DENND1A: variants seen among roughly 807,000 people sequenced by gnomAD.
The protein encoded by DENND1A is DENN domain-containing protein 1A.
Under a neutral mutation model 113.7 loss-of-function variants are expected in DENND1A, and 51 were observed. The ratio of observed to expected loss-of-function variants is 0.45; its 90% CI spans 0.36 to 0.57. DENND1A has a LOEUF of 0.57. DENND1A is among the 20% of genes least tolerant of loss of function. The probability of loss-of-function intolerance (pLI) is 0.00; values close to 1 mark genes in which losing one functional copy is unlikely to be tolerated. For synonymous variants in DENND1A, 565 were observed against 570.8 expected (o/e 0.99, Z 0.14); for missense variants, 1,258 against 1,395.9 (o/e 0.90, Z 1.57).
chr9:123,540,864 C>T (rs1417485106), intron 13 of DENND1A, among the ~76,000 whole-genome samples: 1 of 152,142 alleles, frequency 6.6e-6, no homozygotes, highest in East Asian at 1.9e-4. Context: ...TGCTGGAAAC[C>T]ATCACCAAAG....
At chr9:123,674,179 T>C (rs940439474) in intron 6 of DENND1A, among the ~76,000 whole-genome samples, 1 of 152,152 alleles carries the variant, frequency 6.6e-6, no homozygotes, top group East Asian at 1.9e-4. Context: ...CTGGCTCAGA[T>C]GCCTGCCTTG....
intron 8 of DENND1A, among the ~76,000 whole-genome samples, chr9:123,666,546 T>C (rs2063500643): frequency 2.6e-5 from 4 of 152,094 alleles, no homozygotes; most frequent in Admixed American, 2.0e-4. Context: ...TAAACCTCTA[T>C]TTGGAAAATT....
intron 1 of DENND1A, among the ~76,000 whole-genome samples, chr9:123,896,569 C>T (rs190106476): frequency 6.6e-6 from 1 of 152,146 alleles, no homozygotes; most frequent in Admixed American, 6.5e-5. Flanking sequence ...CAGAGTCAGA[C>T]CTTCAGACTT....
chr9:123,807,641 T>C (rs1262062118), intron 2 of DENND1A, among the ~76,000 whole-genome samples: 5 of 152,236 alleles, frequency 3.3e-5, no homozygotes, highest in Admixed American at 3.3e-4. Flanking sequence ...CTTCCATACA[T>C]GTTTGCTGAA....
intron 5 of DENND1A, among the ~76,000 whole-genome samples, chr9:123,752,830 A>G (rs1308757206): frequency 6.6e-6 from 1 of 152,240 alleles, no homozygotes; most frequent in South Asian, 2.1e-4. Flanking sequence ...AAATGCTAAA[A>G]TGCTCTCACA....
chr9:123,833,926 C>T (rs535964194), intron 2 of DENND1A, among the ~76,000 whole-genome samples: 2 of 152,074 alleles, frequency 1.3e-5, no homozygotes, highest in Non-Finnish European at 2.9e-5. Flanking sequence ...CATGGTGGCA[C>T]ATGCTTGTAG....
chr9:123,694,906 G>A (rs1356545359), intron 5 of DENND1A, among the ~76,000 whole-genome samples: 1 of 152,174 alleles, frequency 6.6e-6, no homozygotes, highest in African/African-American at 2.4e-5. Flanking sequence ...TGAGGGTATT[G>A]CCAAAAGAGA....
intron 2 of DENND1A, among the ~76,000 whole-genome samples, chr9:123,792,917 T>C (rs531511722): frequency 6.6e-6 from 1 of 152,358 alleles, no homozygotes; most frequent in South Asian, 2.1e-4. Context: ...CTCAATATAT[T>C]TTTCCAGAGA....
At chr9:123,893,095 G>A (rs1850179037) in intron 1 of DENND1A, among the ~76,000 whole-genome samples, 1 of 150,528 alleles carries the variant, frequency 6.6e-6, no homozygotes, top group Non-Finnish European at 1.5e-5. Flanking sequence ...TATACGTACA[G>A]GATTATATGT....
rs146942892 is a variant in DENND1A at position 123,466,737 on chromosome 9, T to C, written c.994-8840A>G. 3.2e-3 allele frequency among the ~76,000 whole-genome samples: 485 copies of C among 152,348 alleles called. 3 individuals carry two copies. Among genetic ancestry groups the C allele is most frequent in the African/African-American group, 0.011 (452 of 41,572 alleles). ...GATAAATGGTTGGCTAAGTACAAAG[T>C]AACATAAATAAGAAATATGATAGGT... On this transcript the variant is annotated intron_variant, in intron 13 of 23. Transcript: ENST00000394215.
At chr9:123,852,905 C>CT (rs201831270) in intron 2 of DENND1A, among the ~76,000 whole-genome samples, 5,394 of 149,086 alleles carry the variant, frequency 0.036, 96 homozygotes, top group Middle Eastern at 0.045. Context: ...GTTTTTCTTT[C>CT]TTTTTTTTTT....
At chr9:123,769,301 TCA>T (rs1453322670) in intron 4 of DENND1A, among the ~76,000 whole-genome samples, 1 of 152,144 alleles carries the variant, frequency 6.6e-6, no homozygotes, top group African/African-American at 2.4e-5. Context: ...AAAATACATC[TCA>T]CAAACTAACC....
In DENND1A at chr9:123,498,784, G is replaced by A. The variant is rs539693604; in HGVS notation, c.994-40887C>T. Among the ~76,000 whole-genome samples the A allele has an allele frequency of 2.0e-4, 30 of 151,844 alleles. 2 individuals carry two copies. The South Asian group carries it at 4.6e-3, about 23-fold the overall frequency. ...GTCTCCCAAGCTGGAGTACAGTGGC[G>A]TGATCTCGGCTCATTGCAATCTCCA... On this transcript the variant is annotated intron_variant, in intron 13 of 23. Transcript: ENST00000394215.
intron 13 of DENND1A, among the ~76,000 whole-genome samples, chr9:123,526,337 G>A (rs1345925916): frequency 1.3e-5 from 2 of 152,156 alleles, no homozygotes; most frequent in Non-Finnish European, 2.9e-5. Context: ...CCACTCACCT[G>A]GCTTCGCCAT....
At position 123,381,678 on chromosome 9, in the gene DENND1A, G is replaced by A; in HGVS notation, c.2967C>T (p.Arg989=). The A allele has an allele frequency of 6.3e-7, 1 of 1,590,836 alleles. No homozygotes were observed. The change falls in exon 24 of 24, where the codon CGC becomes CGT. Residue 989 remains arginine (R), a synonymous_variant. Coordinates refer to ENST00000394215, the MANE Select transcript of DENND1A (RefSeq NM_001352964.2). This position sits in a 1 kb window ranked among gnomAD's most constrained non-coding sequence, Gnocchi z 4.7. ...PSRIRTLPLA[R]SSARAAETKQ... ...TGGTCTCAGCAGCCCTGGCACTTGA[G>A]CGGGCCAGGGGCAACGTTCGGATCC...
intron 18 of DENND1A, among the ~76,000 whole-genome samples, chr9:123,446,747 G>T (rs2047335596): frequency 6.6e-6 from 1 of 152,132 alleles, no homozygotes; most frequent in South Asian, 2.1e-4. Context: ...AGCCTGGGAA[G>T]TCAAGGCTGC....
chr9:123,688,967 A>G (rs2064997723), intron 5 of DENND1A, among the ~76,000 whole-genome samples: 1 of 152,230 alleles, frequency 6.6e-6, no homozygotes, highest in Non-Finnish European at 1.5e-5. Context: ...ACTAAATTTT[A>G]GAGAAAAGAT....
At chr9:123,785,804 G>GA (rs1832065696) in intron 3 of DENND1A, among the ~76,000 whole-genome samples, 1 of 152,208 alleles carries the variant, frequency 6.6e-6, no homozygotes, top group Admixed American at 6.5e-5. Context: ...ACCTGCAGAT[G>GA]AAAAAATTAC....
intron 2 of DENND1A, among the ~76,000 whole-genome samples, chr9:123,848,847 A>G (rs1338642628): frequency 6.6e-6 from 1 of 152,252 alleles, no homozygotes; most frequent in Non-Finnish European, 1.5e-5. Context: ...TGGTCTGGAC[A>G]GATCAAACCA....
Sources: allele counts gnomAD v4.1 joint callset (sites outside exome capture counted in the v4.1 genomes callset), GRCh38; gene constraint gnomAD v4.1.1; non-coding constraint Gnocchi (gnomAD v3.1); transcripts MANE v1.5; gene names NCBI Gene and HGNC (gene_info 2026-07-23, HGNC 2026-07-21).